SLC18A1: variants seen among roughly 807,000 people sequenced by gnomAD.
SLC18A1 encodes the protein chromaffin granule amine transporter.
A neutral mutation model predicts 53.7 loss-of-function variants in SLC18A1; 69 were observed. That is an observed-to-expected ratio of 1.28 (90% CI 1.06 to 1.57). SLC18A1 has a LOEUF of 1.57. Ranked by LOEUF, SLC18A1 falls within the 40% of genes most tolerant of loss-of-function variation. SLC18A1 has a pLI of 0.00. For synonymous variants in SLC18A1, 320 were observed against 248.1 expected, an observed-to-expected ratio of 1.29 and a Z score of -2.72; for missense variants, 932 against 668.1, an observed-to-expected ratio of 1.40 and a Z score of -4.35.
intron 12 of SLC18A1, among the ~76,000 whole-genome samples, chr8:20,149,366 C>T (rs906016599): frequency 6.6e-6 from 1 of 152,054 alleles, no homozygotes; most frequent in Non-Finnish European, 1.5e-5. Flanking sequence ...CATATGCCCA[C>T]ATGTACAGCC....
intron 10 of SLC18A1, among the ~76,000 whole-genome samples, chr8:20,152,463 G>A (rs1468903762): frequency 1.3e-5 from 2 of 152,186 alleles, no homozygotes; most frequent in Non-Finnish European, 2.9e-5. Context: ...AGGTTTTGGA[G>A]GTAAGTTGGT....
chr8:20,169,116 G>T (rs553131452), intron 8 of SLC18A1, among the ~76,000 whole-genome samples: 1 of 152,048 alleles, frequency 6.6e-6, no homozygotes, highest in South Asian at 2.1e-4. Context: ...ACTGAGAGGC[G>T]ACGGGCATTA....
rs975645665 is a variant in SLC18A1, at chr8:20,171,459, C to A, written c.760G>T (p.Val254Phe). 1.2e-6 allele frequency: 2 copies of A among 1,614,166 alleles called. No individual in the cohort carries two copies. Among genetic ancestry groups the A allele is most frequent in the Non-Finnish European group, 1.7e-6 (2 of 1,180,018 alleles). Reference sequence around the variant, plus strand: ...ATGAGGAAGGGTGCAGACTTCCCAACAAACTCGTACATTACACTTCCAAAG... The same window carrying A: ...ATGAGGAAGGGTGCAGACTTCCCAAAAAACTCGTACATTACACTTCCAAAG... ...APFGSVMYEF[V>F]GKSAPFLILA... Residue 254 changes from valine to phenylalanine, a missense_variant, in exon 7 of 16, where the codon GTT (valine) becomes TTT (phenylalanine). Transcript: ENST00000276373.
chr8:20,182,385 C>T (rs145865392), intron 1 of SLC18A1, among the ~76,000 whole-genome samples: 1 of 152,052 alleles, frequency 6.6e-6, no homozygotes, highest in Non-Finnish European at 1.5e-5. Context: ...AATACTATTA[C>T]TATAACGTTA....
intron 10 of SLC18A1, among the ~76,000 whole-genome samples, chr8:20,164,139 C>T (rs1409010158): frequency 6.6e-6 from 1 of 152,132 alleles, no homozygotes; most frequent in Non-Finnish European, 1.5e-5. Flanking sequence ...TCAGCTTCCC[C>T]TCTGGCCCCG....
Position 20,164,882 on chromosome 8 carries a change from G to A in SLC18A1, c.1002C>T (p.Pro334=), listed in dbSNP as rs761480509. The change falls in exon 10 of 16, where the codon CCC becomes CCT. Residue 334 remains proline, a synonymous_variant. Transcript: ENST00000276373. The stretch of plus-strand genomic sequence containing the variant: ...GAGGTCACTTACCCAGCTGCCACTT[G>A]GGGGAGCACATGGTCTGCATCATCC... ...PIWMMQTMCS[P]KWQLGLAFLP... The A allele has an allele frequency of 1.1e-5, 18 of 1,609,674 alleles. No homozygotes were observed. Among genetic ancestry groups the A allele is most frequent in the Non-Finnish European group, 1.7e-6 (2 of 1,176,588 alleles).
At chr8:20,148,161 C>T in intron 12 of SLC18A1, 91 bp from the exon 13 acceptor site, 1 of 1,136,298 alleles carries the variant, frequency 8.8e-7, no homozygotes, top group Non-Finnish European at 1.3e-6. Flanking sequence ...TGCATTTATT[C>T]AGAGTGCACT....
intron 10 of SLC18A1, among the ~76,000 whole-genome samples, chr8:20,156,668 G>C (rs571663932): frequency 6.6e-6 from 1 of 152,110 alleles, no homozygotes; most frequent in Non-Finnish European, 1.5e-5. Flanking sequence ...TTAGGAAAAA[G>C]GCACACAGGA....
At chr8:20,164,176 A>G (rs1197603276) in intron 10 of SLC18A1, among the ~76,000 whole-genome samples, 5 of 151,958 alleles carry the variant, frequency 3.3e-5, no homozygotes, top group Non-Finnish European at 5.9e-5. Flanking sequence ...GCAGTGATGG[A>G]GCAATTTGCA....
intron 4 of SLC18A1, among the ~76,000 whole-genome samples, chr8:20,178,121 AACACACAC>A (rs10560327): frequency 1.3e-5 from 2 of 148,720 alleles, no homozygotes; most frequent in African/African-American, 2.5e-5. Context: ...TGATGCATAT[AACACACAC>A]ACACACACAC....
chr8:20,147,295 T>C lies in SLC18A1; in HGVS notation c.1427A>G (p.Tyr476Cys). The C allele has an allele frequency of 6.2e-7, 1 of 1,612,832 alleles. No individual in the cohort carries two copies. The highest frequency in any genetic ancestry group is 8.5e-7 in the Non-Finnish European group (1 of 1,179,602). Residue 476 changes from tyrosine to cysteine, a missense_variant, in exon 15 of 16, where the codon TAC (tyrosine) becomes TGC (cysteine). By Grantham distance (194) the Tyr-to-Cys change is radical. Transcript: ENST00000276373. Reference protein sequence around the residue: ...VINIVYAPLCYYLRSPPAKEE... With the variant: ...VINIVYAPLCCYLRSPPAKEE... The stretch of plus-strand genomic sequence containing the variant: ...CTTTGCCGGGGGGCTCCGCAGGTAG[T>C]AGCAGAGTGGAGCATAGACGATGTT...
At chr8:20,149,086 T>C (rs1585188571) in intron 12 of SLC18A1, among the ~76,000 whole-genome samples, 2 of 152,176 alleles carry the variant, frequency 1.3e-5, no homozygotes, top group Non-Finnish European at 2.9e-5. Flanking sequence ...AGCCCTGTTC[T>C]TCTCTCCCTC....
At position 20,167,519 on chromosome 8, in the gene SLC18A1, A is replaced by G. The variant is rs1486857646; in HGVS notation, c.859-2412T>C. On this transcript the variant is annotated intron_variant, in intron 8 of 15. Coordinates refer to ENST00000276373, the MANE Select transcript of SLC18A1 (RefSeq NM_003053.4). ...GGGCTGGAAGTGGAGGTCTCAGTAC[A>G]AACTTGTGTGTGTGTATTAGCTCTG... is the stretch of plus-strand genomic sequence containing the variant. Among the ~76,000 whole-genome samples, 3 of 152,290 alleles carry G rather than the reference A, an allele frequency of 2.0e-5. No homozygotes were observed. In the East Asian group the frequency reaches 5.8e-4, roughly 29 times the overall value.
At position 20,164,984 on chromosome 8, in the gene SLC18A1, A is replaced by G. The variant is rs747761665; in HGVS notation, c.920-20T>C. 6.2e-7 allele frequency: 1 copy of G among 1,613,870 alleles called. No homozygotes were observed. Among genetic ancestry groups the G allele is most frequent in the East Asian group, 2.2e-5 (1 of 44,862 alleles). ...TGGACCCTGGGGAGACTGTTCTGTG[A>G]GCAGCCGTGGCTGCTTGAAGCCCAG... On this transcript the variant is annotated intron_variant, in intron 9 of 15. Transcript: ENST00000276373.
intron 8 of SLC18A1, among the ~76,000 whole-genome samples, chr8:20,167,497 C>T (rs2071997981): frequency 6.6e-6 from 1 of 151,970 alleles, no homozygotes; most frequent in Non-Finnish European, 1.5e-5. Flanking sequence ...TGGAGTTGGG[C>T]TGGAAGTGGA....
chr8:20,179,382 G>T lies in SLC18A1; in HGVS notation c.227C>A (p.Pro76His). Residue 76 changes from proline to histidine, a missense_variant, in exon 3 of 16, where the codon CCT becomes CAT. By Grantham distance (77) the Pro-to-His change is moderately conservative. Transcript: ENST00000276373. ...GAAGGAGAAGATGGTGGAAAAGGCA[G>T]GAGAGGCGAGGGCATGTGGGGAACT... ...AGSSPHALASPAFSTIFSFFN... is the reference protein window; with the variant it reads ...AGSSPHALASHAFSTIFSFFN... 1 of 1,614,198 alleles carries T rather than the reference G, an allele frequency of 6.2e-7. No homozygotes were observed. The highest frequency in any genetic ancestry group is 8.5e-7 in the Non-Finnish European group (1 of 1,180,048).
At chr8:20,174,895 C>T (rs374454072) in intron 4 of SLC18A1, among the ~76,000 whole-genome samples, 3 of 152,128 alleles carry the variant, frequency 2.0e-5, no homozygotes, top group Non-Finnish European at 4.4e-5. Context: ...GTAGGTGCTT[C>T]GAGGATTATA....
chr8:20,147,182 C>T, intron 15 of SLC18A1, 76 bp downstream of exon 15: 1 of 1,493,992 alleles, frequency 6.7e-7, no homozygotes, highest in East Asian at 2.3e-5. Flanking sequence ...AATAACAGCC[C>T]AGGATGAAAG....
chr8:20,161,191 G>A (rs777918066), intron 10 of SLC18A1, among the ~76,000 whole-genome samples: 2 of 152,122 alleles, frequency 1.3e-5, no homozygotes, highest in African/African-American at 2.4e-5. Flanking sequence ...CCAGAGTCTT[G>A]TCTAAATTAG....
Sources: allele counts gnomAD v4.1 joint callset (sites outside exome capture counted in the v4.1 genomes callset), GRCh38; gene constraint gnomAD v4.1.1; transcripts MANE v1.5; gene names NCBI Gene and HGNC (gene_info 2026-07-23, HGNC 2026-07-21).